FRMD4A: variants seen among roughly 807,000 people sequenced by gnomAD.
FRMD4A encodes FERM domain containing 4A.
FRMD4A carries 29 observed loss-of-function variants against 129.1 expected under a neutral mutation model. That is an observed-to-expected ratio of 0.22 (90% CI 0.17 to 0.31). FRMD4A has a LOEUF of 0.31. Among genes scored for constraint, FRMD4A ranks in the 10% least tolerant of loss-of-function variants. The pLI, the probability that FRMD4A is intolerant of heterozygous loss-of-function variation, is 1.00. For synonymous variants in FRMD4A, 634 were observed against 571.6 expected (o/e 1.11, Z -1.56); for missense variants, 1,272 against 1,375.8 (o/e 0.92, Z 1.19).
intron 2 of FRMD4A, among the ~76,000 whole-genome samples, chr10:14,108,854 A>G (rs1341765496): frequency 6.6e-6 from 1 of 152,316 alleles, no homozygotes; most frequent in East Asian, 1.9e-4. Context: ...TCAATGGGGA[A>G]AAGTAGAAAG....
At chr10:13,843,148 A>C (rs1179047631) in intron 3 of FRMD4A, among the ~76,000 whole-genome samples, 1 of 152,212 alleles carries the variant, frequency 6.6e-6, no homozygotes, top group African/African-American at 2.4e-5. Context: ...AACATGCAGT[A>C]CCAAGTATGC....
At chr10:14,122,972 A>G (rs139041997) in intron 2 of FRMD4A, among the ~76,000 whole-genome samples, 1,915 of 152,298 alleles carry the variant, frequency 0.013, 32 homozygotes, top group African/African-American at 0.043. Flanking sequence ...GCTAACTATC[A>G]TCATCCTACA....
intron 2 of FRMD4A, among the ~76,000 whole-genome samples, chr10:14,141,007 T>C (rs1038939785): frequency 1.3e-5 from 2 of 151,870 alleles, no homozygotes; most frequent in African/African-American, 4.8e-5. Flanking sequence ...AGTCCAACCC[T>C]AGGGACACCA....
At chr10:13,685,016 A>G (rs747896242) in intron 15 of FRMD4A, 88 of 984,260 alleles carry the variant, frequency 8.9e-5, no homozygotes, top group Non-Finnish European at 1.0e-4. Context: ...TATTTCCTTG[A>G]CAAATCCTCA....
At chr10:13,794,995 T>A (rs2093083288) in intron 5 of FRMD4A, among the ~76,000 whole-genome samples, 1 of 152,222 alleles carries the variant, frequency 6.6e-6, no homozygotes, top group South Asian at 2.1e-4. Context: ...CCCCAAGCTC[T>A]CCTGCAAGGA....
intron 5 of FRMD4A, among the ~76,000 whole-genome samples, chr10:13,788,247 G>C (rs1588719141): frequency 6.6e-6 from 1 of 152,116 alleles, no homozygotes; most frequent in South Asian, 2.1e-4. Flanking sequence ...CTCACACCCA[G>C]GGCCACTATT....
At chr10:14,254,458 T>C (rs1844541756) in intron 2 of FRMD4A, among the ~76,000 whole-genome samples, 1 of 152,100 alleles carries the variant, frequency 6.6e-6, no homozygotes, top group South Asian at 2.1e-4. Flanking sequence ...TCCAAGGAAA[T>C]CTTGGCTCTT....
intron 2 of FRMD4A, among the ~76,000 whole-genome samples, chr10:13,978,426 C>G (rs961037179): frequency 3.3e-5 from 5 of 152,128 alleles, no homozygotes; most frequent in Non-Finnish European, 5.9e-5. Context: ...TCCTGACTCT[C>G]TCACACCCAC....
At chr10:13,956,878 AG>A (rs1197303050) in intron 2 of FRMD4A, among the ~76,000 whole-genome samples, 1 of 152,188 alleles carries the variant, frequency 6.6e-6, no homozygotes, top group Non-Finnish European at 1.5e-5. Flanking sequence ...AATCCTGGGA[AG>A]GGGGAAAGTG....
intron 2 of FRMD4A, among the ~76,000 whole-genome samples, chr10:14,309,231 C>T (rs1365995215): frequency 6.6e-6 from 1 of 152,266 alleles, no homozygotes; most frequent in South Asian, 2.1e-4. Flanking sequence ...AAGAGGATCA[C>T]TTGAGCTCAG....
At chr10:14,043,313 T>A (rs1022384496) in intron 2 of FRMD4A, among the ~76,000 whole-genome samples, 1 of 152,218 alleles carries the variant, frequency 6.6e-6, no homozygotes, top group Non-Finnish European at 1.5e-5. Flanking sequence ...TAAAATTTGA[T>A]GTGTGTTGTG....
intron 2 of FRMD4A, among the ~76,000 whole-genome samples, chr10:13,979,811 A>G (rs1306497733): frequency 6.6e-6 from 1 of 152,184 alleles, no homozygotes; most frequent in Non-Finnish European, 1.5e-5. Flanking sequence ...GAATGAAACT[A>G]TGTATGTTCT....
chr10:13,664,683 C>T (rs1331021256), intron 18 of FRMD4A, among the ~76,000 whole-genome samples: 1 of 146,752 alleles, frequency 6.8e-6, no homozygotes, highest in African/African-American at 2.6e-5. Context: ...ATATATATAA[C>T]ATCACATTTA....
chr10:14,111,740 T>C (rs1277519963), intron 2 of FRMD4A, among the ~76,000 whole-genome samples: 2 of 151,680 alleles, frequency 1.3e-5, no homozygotes, highest in African/African-American at 4.8e-5. Flanking sequence ...ATTGAGAGAT[T>C]AGGTAAATAT....
intron 2 of FRMD4A, among the ~76,000 whole-genome samples, chr10:14,176,677 G>A (rs1841741134): frequency 6.6e-6 from 1 of 151,922 alleles, no homozygotes; most frequent in Non-Finnish European, 1.5e-5. Context: ...GTTTCACCAT[G>A]TTGGCCAGGA....
At chr10:14,060,114 C>T (rs544263572) in intron 2 of FRMD4A, among the ~76,000 whole-genome samples, 3 of 152,242 alleles carry the variant, frequency 2.0e-5, no homozygotes, top group Non-Finnish European at 2.9e-5. Context: ...CTTTTGAGCC[C>T]GACGTTAAAT....
At chr10:13,994,522 A>C (rs917893466) in intron 2 of FRMD4A, among the ~76,000 whole-genome samples, 1 of 152,088 alleles carries the variant, frequency 6.6e-6, no homozygotes, top group Non-Finnish European at 1.5e-5. Context: ...CGGTTTCACC[A>C]TGTTGGTCAG....
chr10:13,899,305 T>C (rs1205972168), intron 2 of FRMD4A, among the ~76,000 whole-genome samples: 1 of 152,226 alleles, frequency 6.6e-6, no homozygotes, highest in African/African-American at 2.4e-5. Flanking sequence ...TATTAGGCAG[T>C]GCTAGAGCTT....
chr10:14,214,137 C>T (rs192928219), intron 2 of FRMD4A, among the ~76,000 whole-genome samples: 118 of 152,308 alleles, frequency 7.7e-4, no homozygotes, highest in African/African-American at 2.7e-3. Context: ...GTCCGTTAAA[C>T]CTCTTTTTCT....
Sources: gnomAD v4.1 joint callset for allele counts (sites outside exome capture counted in the v4.1 genomes callset) on GRCh38, gnomAD v4.1.1 for gene constraint, MANE v1.5 for transcripts, NCBI Gene and HGNC (gene_info 2026-07-23, HGNC 2026-07-21) for gene names.